The following TUSC3 variants were observed in gnomAD, a reference collection of about 807,000 sequenced individuals.
TUSC3 encodes tumor suppressor candidate 3.
TUSC3 carries 45 observed loss-of-function variants against 44.8 expected under a neutral mutation model. The ratio of observed to expected loss-of-function variants is 1.00; its 90% confidence interval spans 0.79 to 1.29. The LOEUF is 1.29. Among genes scored for constraint, TUSC3 ranks in the 50% most tolerant of loss-of-function variants. The pLI is 0.00. For synonymous variants in TUSC3, 212 were observed against 152.9 expected (o/e 1.39, Z -2.85); for missense variants, 519 against 437.9 (o/e 1.19, Z -1.65).
At chr8:15,636,658 G>A (rs748154853) in intron 2 of TUSC3, among the ~76,000 whole-genome samples, 1 of 152,170 alleles carries the variant, frequency 6.6e-6, no homozygotes, top group Non-Finnish European at 1.5e-5. Flanking sequence ...TACGGGGTGT[G>A]GTTTGCTGAA....
intron 5 of TUSC3, among the ~76,000 whole-genome samples, chr8:15,669,118 C>A (rs1172768628): frequency 6.6e-6 from 1 of 151,672 alleles, no homozygotes; most frequent in Non-Finnish European, 1.5e-5. Flanking sequence ...AGTACATTCC[C>A]CAATTAGATT....
chr8:15,851,861 G>C, the TUSC3 span, among the ~76,000 whole-genome samples: 1 of 152,138 alleles, frequency 6.6e-6, no homozygotes, highest in Non-Finnish European at 1.5e-5. Flanking sequence ...GAGGGACCCA[G>C]TGGGAGATAA....
At chr8:15,818,511 T>C in the TUSC3 span, among the ~76,000 whole-genome samples, 55 of 152,320 alleles carry the variant, frequency 3.6e-4, no homozygotes, top group East Asian at 7.4e-3. Context: ...ATTTCACTCA[T>C]TCTTTCCACT....
chr8:15,542,074 G>T (rs2129133205), intron 1 of TUSC3, among the ~76,000 whole-genome samples: 1 of 151,792 alleles, frequency 6.6e-6, no homozygotes, highest in East Asian at 2.0e-4. Flanking sequence ...AGGTGCCCAA[G>T]GTGGTCAGGG....
chr8:15,488,893 T>C (rs1800770016), intron 2 of TUSC3, among the ~76,000 whole-genome samples: 1 of 152,192 alleles, frequency 6.6e-6, no homozygotes, highest in Non-Finnish European at 1.5e-5. Context: ...CCAAATTGAC[T>C]AAAACAGTCA....
At chr8:15,536,644 T>G (rs1279386389), upstream of TUSC3, among the ~76,000 whole-genome samples, 4 of 120,704 alleles carry the variant, frequency 3.3e-5, no homozygotes, top group Non-Finnish European at 6.4e-5. Context: ...ATTGTGCCAC[T>G]GCACGCCAGC....
At chr8:15,769,289 C>T (rs1812400881), downstream of TUSC3, among the ~76,000 whole-genome samples, 1 of 152,114 alleles carries the variant, frequency 6.6e-6, no homozygotes, top group Admixed American at 6.6e-5. Context: ...ACGTCTACAA[C>T]CATCTGATCT....
In TUSC3 at chr8:15,730,661, T is replaced by C; in HGVS notation, c.799-5T>C. 3 of 1,612,862 alleles carry C rather than the reference T, an allele frequency of 1.9e-6. No homozygotes were observed. The highest frequency in any genetic ancestry group is 1.1e-5 in the South Asian group (1 of 90,994). On this transcript the variant is annotated splice_polypyrimidine_tract_variant and splice_region_variant and intron_variant, in intron 6 of 10. Coordinates refer to ENST00000503731, the MANE Select transcript of TUSC3 (RefSeq NM_006765.4). ...ACTGTAATTTCTGTTTGTCTTCTTT[T>C]ATAGAGCTACATTCATGGGAGCAGC...
chr8:15,742,380 CTAGA>C (rs935314638), intron 7 of TUSC3, among the ~76,000 whole-genome samples: 80 of 152,214 alleles, frequency 5.3e-4, no homozygotes, highest in African/African-American at 1.9e-3. Context: ...AAATGCCTTA[CTAGA>C]GAAGTCAGGC....
rs1459243906 is a variant in TUSC3, at chr8:15,614,353, T to A, written c.139-8727T>A. On this transcript the variant is annotated intron_variant, in intron 1 of 10. Coordinates refer to ENST00000503731, the MANE Select transcript of TUSC3 (RefSeq NM_006765.4). Reference sequence around the variant, plus strand: ...ATTTAAGTGTATGATTAAATGACTTTCAGTAACTTTAGTGAGTGGTACAAC... The same window carrying A: ...ATTTAAGTGTATGATTAAATGACTTACAGTAACTTTAGTGAGTGGTACAAC... 2.0e-5 allele frequency among the ~76,000 whole-genome samples: 3 copies of A among 152,184 alleles called. No individual in the cohort carries two copies. The East Asian group carries it at 5.8e-4, about 29-fold the overall frequency.
chr8:15,792,452 C>G, the TUSC3 span, among the ~76,000 whole-genome samples: 4 of 152,154 alleles, frequency 2.6e-5, no homozygotes, highest in Non-Finnish European at 4.4e-5. Context: ...CTCACCTATA[C>G]TGACAGTTGA....
chr8:15,437,824 C>T (rs1426028762), intron 1 of TUSC3, among the ~76,000 whole-genome samples: 1 of 152,152 alleles, frequency 6.6e-6, no homozygotes, highest in African/African-American at 2.4e-5. Context: ...GGACTCAGAA[C>T]ACCTGCACTG....
rs1308585235 is a variant in TUSC3 at position 15,448,376 on chromosome 8, C to G, written n.91+31071C>G. On this transcript the variant is annotated intron_variant and non_coding_transcript_variant, in intron 1 of 5. Transcript: ENST00000503191. ...TCAGGCAATCCACCCGCCTTGGCCT[C>G]CCAAAGTGCTGGGATTACAGACATG... 5.3e-5 allele frequency among the ~76,000 whole-genome samples: 8 copies of G among 152,062 alleles called. No individual in the cohort carries two copies. The East Asian group carries it at 1.5e-3, about 29-fold the overall frequency.
chr8:15,663,585 C>G (rs1807522720), intron 5 of TUSC3, among the ~76,000 whole-genome samples: 2 of 151,984 alleles, frequency 1.3e-5, no homozygotes, highest in Admixed American at 6.6e-5. Context: ...ACCTCTGTGG[C>G]TTTCTAGTAC....
chr8:15,741,824 G>T (rs1247248361), intron 7 of TUSC3, among the ~76,000 whole-genome samples: 1 of 152,108 alleles, frequency 6.6e-6, no homozygotes, highest in East Asian at 1.9e-4. Context: ...CAGAAAAAAT[G>T]ATTAAAGGGG....
At chr8:15,694,780 C>T (rs1364124383) in intron 6 of TUSC3, among the ~76,000 whole-genome samples, 1 of 152,078 alleles carries the variant, frequency 6.6e-6, no homozygotes, top group East Asian at 1.9e-4. Context: ...GTTCTCTGGT[C>T]CCTCCTGATT....
chr8:15,648,464 C>T (rs1228745786), intron 2 of TUSC3, among the ~76,000 whole-genome samples: 3 of 151,216 alleles, frequency 2.0e-5, no homozygotes, highest in Non-Finnish European at 2.9e-5. Flanking sequence ...CAGTGGCTCA[C>T]GCCTGTAATC....
intron 2 of TUSC3, among the ~76,000 whole-genome samples, chr8:15,511,961 A>G (rs1403896638): frequency 6.6e-6 from 1 of 152,208 alleles, no homozygotes; most frequent in South Asian, 2.1e-4. Flanking sequence ...CTATAGATTC[A>G]ATACAATCCC....
intron 1 of TUSC3, among the ~76,000 whole-genome samples, chr8:15,548,204 A>C (rs1485725204): frequency 2.6e-5 from 4 of 151,706 alleles, no homozygotes; most frequent in South Asian, 2.1e-4. Flanking sequence ...TAATTTTCAC[A>C]ATATCTTTGC....
Sources: gnomAD v4.1 joint callset for allele counts (sites outside exome capture counted in the v4.1 genomes callset) on GRCh38, gnomAD v4.1.1 for gene constraint, MANE v1.5 for transcripts, NCBI Gene and HGNC (gene_info 2026-07-23, HGNC 2026-07-21) for gene names.